The following TSPAN14 variants were observed in gnomAD, a reference collection of about 807,000 sequenced individuals.
TSPAN14 encodes the protein tetraspanin 14.
In TSPAN14, 16 loss-of-function variants were observed where a neutral mutation model predicts 36.6. That is an observed-to-expected ratio of 0.44 (90% confidence interval 0.30 to 0.66). The LOEUF is 0.66. TSPAN14 is among the 30% of genes least tolerant of loss of function. The pLI, the probability that TSPAN14 is intolerant of heterozygous loss-of-function variation, is 0.12. For missense variants in TSPAN14, 231 were observed against 355.1 expected (o/e 0.65, Z 2.81); for synonymous variants, 139 against 143.8 (o/e 0.97, Z 0.24).
intron 1 of TSPAN14, among the ~76,000 whole-genome samples, chr10:80,486,884 T>C (rs1386093840): frequency 6.6e-6 from 1 of 152,222 alleles, no homozygotes; most frequent in East Asian, 1.9e-4. Flanking sequence ...TATGGTTGGG[T>C]AGCCCAACCC....
chr10:80,474,406 T>C (rs1212598996), intron 1 of TSPAN14, among the ~76,000 whole-genome samples: 1 of 151,746 alleles, frequency 6.6e-6, no homozygotes, highest in Admixed American at 6.6e-5. Context: ...GTAAGAGACC[T>C]TCAGACCTTC....
At chr10:80,500,815 C>G (rs1292909082) in intron 2 of TSPAN14, among the ~76,000 whole-genome samples, 1 of 152,174 alleles carries the variant, frequency 6.6e-6, no homozygotes, top group African/African-American at 2.4e-5. Context: ...CGGTAAGCGG[C>G]CCTACAGCGG....
chr10:80,468,568 A>G (rs1846364166), intron 1 of TSPAN14: 1 of 152,166 alleles, frequency 6.6e-6, no homozygotes, highest in African/African-American at 2.4e-5. Flanking sequence ...TACTATTCAA[A>G]GTGCCATCCA....
intron 1 of TSPAN14, among the ~76,000 whole-genome samples, chr10:80,465,528 C>T (rs561335552): frequency 2.0e-4 from 31 of 152,320 alleles, no homozygotes; most frequent in Admixed American, 1.8e-3. Flanking sequence ...CCTGGCTGCA[C>T]CCCTAATTCC....
At chr10:80,474,217 C>T (rs755022498) in intron 1 of TSPAN14, among the ~76,000 whole-genome samples, 3 of 151,998 alleles carry the variant, frequency 2.0e-5, no homozygotes, top group African/African-American at 7.3e-5. Context: ...GCCTCAAAGG[C>T]CAGGTGGTGT....
rs1028981405 is a variant in TSPAN14, at chr10:80,488,814, A to G, written c.-17-403A>G. Among the ~76,000 whole-genome samples, 3 of 152,186 alleles carry G rather than the reference A, an allele frequency of 2.0e-5. 1 individual carries two copies. Among genetic ancestry groups the G allele is most frequent in the South Asian group, 4.1e-4 (2 of 4,826 alleles). Reference sequence around the variant, plus strand: ...GTGAAGTCCCCTGTCCTTGGTTCCAATCCTGGGCTGTCATTGCTCTCTTGT... The same window carrying G: ...GTGAAGTCCCCTGTCCTTGGTTCCAGTCCTGGGCTGTCATTGCTCTCTTGT... On this transcript the variant is annotated intron_variant, in intron 1 of 8. Coordinates refer to ENST00000429989, the Ensembl canonical transcript of TSPAN14.
At chr10:80,502,296 C>A (rs1848562733) in intron 2 of TSPAN14, among the ~76,000 whole-genome samples, 1 of 152,082 alleles carries the variant, frequency 6.6e-6, no homozygotes, top group African/African-American at 2.4e-5. Flanking sequence ...CCCTTGGGGG[C>A]CATGGGAGAG....
chr10:80,503,413 A>G (rs756388337), intron 2 of TSPAN14, among the ~76,000 whole-genome samples: 1 of 152,094 alleles, frequency 6.6e-6, no homozygotes, highest in Non-Finnish European at 1.5e-5. Flanking sequence ...TGAGGAGTGA[A>G]TGAATGAACT....
rs1840502718 is a variant in TSPAN14, at chr10:80,509,618, C to T, written c.450+147C>T. On this transcript the variant is annotated intron_variant, in intron 5 of 8. Coordinates refer to ENST00000429989, the Ensembl canonical transcript of TSPAN14. The surrounding 1 kb of genome is among the most constrained non-coding windows in gnomAD (Gnocchi z 4.7). ...AGGGAGGCCGTGGAACAAGCCACTC[C>T]ACCTCTGGTCTGTTCCACTTTGCCG... 1 of 783,110 alleles carries T rather than the reference C, an allele frequency of 1.3e-6. No homozygotes were observed. Among genetic ancestry groups the T allele is most frequent in the African/African-American group, 1.8e-5 (1 of 57,090 alleles). 48.5% of individuals were successfully genotyped at this position (783,110 alleles called of 1,614,324 possible).
exon 9 of TSPAN14, chr10:80,521,257 C>T (rs969144787): frequency 4.2e-5 from 7 of 166,526 alleles, no homozygotes; most frequent in South Asian, 1.5e-4. Flanking sequence ...GGAACATAGA[C>T]GACTGCTGAG....
At chr10:80,511,715 T>C (rs1210342505) in intron 5 of TSPAN14, among the ~76,000 whole-genome samples, 8 of 13,662 alleles carry the variant, frequency 5.9e-4, no homozygotes, top group South Asian at 3.3e-3. Flanking sequence ...GCAGGTCCTC[T>C]CTCTCTCTCT....
At position 80,509,207 on chromosome 10, in the gene TSPAN14, C is replaced by T; in HGVS notation, c.280-94C>T. The T allele has an allele frequency of 1.4e-6, 2 of 1,397,100 alleles. No homozygotes were observed. The highest frequency in any genetic ancestry group is 2.0e-6 in the Non-Finnish European group (2 of 1,015,948). 86.5% of individuals were successfully genotyped at this position (1,397,100 alleles called of 1,614,324 possible). On this transcript the variant is annotated intron_variant, in intron 4 of 8. Transcript: ENST00000429989. This position sits in a 1 kb window ranked among gnomAD's most constrained non-coding sequence, Gnocchi z 4.7. The stretch of plus-strand genomic sequence containing the variant: ...TCTCAGGTGCAGAGCCCACGCTCTG[C>T]TGAGGATGGTGGTTCTGGGTCAGGT...
chr10:80,466,969 T>A (rs1156752151), intron 1 of TSPAN14, among the ~76,000 whole-genome samples: 3 of 152,142 alleles, frequency 2.0e-5, no homozygotes, highest in African/African-American at 7.2e-5. Context: ...GAGTAAAGCT[T>A]TGTCCAAAAA....
chr10:80,497,822 C>G (rs2132029027), intron 2 of TSPAN14, among the ~76,000 whole-genome samples: 1 of 152,342 alleles, frequency 6.6e-6, no homozygotes, highest in Non-Finnish European at 1.5e-5. Flanking sequence ...CATTGGGGCC[C>G]TCACATGGGT....
At chr10:80,498,432 C>T (rs890302085) in intron 2 of TSPAN14, among the ~76,000 whole-genome samples, 1 of 152,164 alleles carries the variant, frequency 6.6e-6, no homozygotes. Flanking sequence ...GCTTCCTCCA[C>T]TCTCTGCTGT....
intron 1 of TSPAN14, among the ~76,000 whole-genome samples, chr10:80,484,187 G>A (rs1847465554): frequency 6.6e-6 from 1 of 151,746 alleles, no homozygotes; most frequent in South Asian, 2.1e-4. Context: ...GGAGGTTGCA[G>A]TGAGCTGAGT....
chr10:80,499,065 A>G (rs577859956), intron 2 of TSPAN14, among the ~76,000 whole-genome samples: 1 of 152,358 alleles, frequency 6.6e-6, no homozygotes, highest in South Asian at 2.1e-4. Flanking sequence ...TGGGGCCTGC[A>G]GGAGTTGCCA....
At chr10:80,465,563 C>T (rs1469766357) in intron 1 of TSPAN14, among the ~76,000 whole-genome samples, 1 of 152,222 alleles carries the variant, frequency 6.6e-6, no homozygotes, top group African/African-American at 2.4e-5. Flanking sequence ...TATCTCCCAG[C>T]CATGCTGAGA....
In TSPAN14 at chr10:80,475,296, A is replaced by G. The variant is rs537519508; in HGVS notation, c.-17-13921A>G. On this transcript the variant is annotated intron_variant, in intron 1 of 8. Coordinates refer to ENST00000429989, the Ensembl canonical transcript of TSPAN14. ...ATCTAAAAGTTTTGGGCTGAGCATG[A>G]TGGCTTATGCCTATAATCCCAGCAC... Among the ~76,000 whole-genome samples the G allele has an allele frequency of 9.8e-5, 15 of 152,350 alleles. No homozygotes were observed. The South Asian group carries it at 3.1e-3, about 32-fold the overall frequency.
Sources: gnomAD v4.1 joint callset for allele counts (sites outside exome capture counted in the v4.1 genomes callset) on GRCh38, gnomAD v4.1.1 for gene constraint, Gnocchi (gnomAD v3.1) non-coding constraint, MANE v1.5 for transcripts, NCBI Gene and HGNC (gene_info 2026-07-23, HGNC 2026-07-21) for gene names.